Variants in FNDC3B observed in about 807,000 individuals in gnomAD.
FNDC3B encodes the protein fibronectin type III domain containing 3B.
Under a neutral mutation model 151.5 loss-of-function variants are expected in FNDC3B, and 12 were observed. The observed-to-expected ratio is 0.08, with a 90% CI of 0.05 to 0.13. The LOEUF (loss-of-function observed/expected upper bound fraction) is 0.13, where lower values mean the gene tolerates loss of function less well. Ranked by LOEUF, FNDC3B falls within the 10% of genes least tolerant of loss-of-function variation. FNDC3B has a pLI of 1.00. For synonymous variants in FNDC3B, 528 were observed against 549.0 expected (o/e 0.96, Z 0.54); for missense variants, 1,214 against 1,505.3 (o/e 0.81, Z 3.20).
chr3:172,269,792 G>A (rs757687100), intron 6 of FNDC3B, among the ~76,000 whole-genome samples: 4 of 152,088 alleles, frequency 2.6e-5, no homozygotes, highest in Non-Finnish European at 4.4e-5. Context: ...CTACAAGTGC[G>A]TGCCACCATG....
rs942716692 is a variant in FNDC3B at position 172,117,468 on chromosome 3, A to G, written c.111+4878A>G. The stretch of plus-strand genomic sequence containing the variant: ...CAGTTTTGCGCACAAAAGAATAAAC[A>G]TCAGCCCAAATTCTGACTTTTTATT... On this transcript the variant is annotated intron_variant, in intron 2 of 25. Transcript: ENST00000415807. Among the ~76,000 whole-genome samples, 3 of 152,242 alleles carry G rather than the reference A, an allele frequency of 2.0e-5. No individual in the cohort carries two copies. In the South Asian group the frequency reaches 6.2e-4, roughly 31 times the overall value.
At chr3:172,335,197 A>C in intron 15 of FNDC3B, 115 bp downstream of exon 15, 1 of 1,074,136 alleles carries the variant, frequency 9.3e-7, no homozygotes, top group Non-Finnish European at 1.3e-6. Flanking sequence ...GTATTTGCAG[A>C]AGTTTTCTGC....
chr3:172,307,516 G>C lies in FNDC3B; in HGVS notation c.1200+15G>C. 6.2e-7 allele frequency: 1 copy of C among 1,613,860 alleles called. No individual in the cohort carries two copies. Among genetic ancestry groups the C allele is most frequent in the Non-Finnish European group, 8.5e-7 (1 of 1,179,840 alleles). On this transcript the variant is annotated intron_variant, in intron 10 of 25. Coordinates refer to ENST00000415807, the MANE Select transcript of FNDC3B (RefSeq NM_022763.4). ...TGCAGTGGAAGGTGGGTAGCTCAAA[G>C]CATCAAGAATCGTCTCAATTTAAAA...
intron 21 of FNDC3B, among the ~76,000 whole-genome samples, chr3:172,349,835 T>C (rs1293405723): frequency 6.6e-6 from 1 of 152,068 alleles, no homozygotes; most frequent in African/African-American, 2.4e-5. Flanking sequence ...TTTGTATTTT[T>C]AGTAGAGATG....
intron 1 of FNDC3B, among the ~76,000 whole-genome samples, chr3:172,102,429 A>G (rs1004257599): frequency 2.0e-5 from 3 of 152,182 alleles, no homozygotes; most frequent in Middle Eastern, 3.4e-3. Flanking sequence ...GGTGTTATGC[A>G]TGTCTCTTAG....
intron 3 of FNDC3B, among the ~76,000 whole-genome samples, chr3:172,181,594 G>A (rs1723907441): frequency 6.6e-6 from 1 of 151,742 alleles, no homozygotes. Context: ...ACTTTGGGAA[G>A]CCTAGGTGGG....
chr3:172,057,227 G>C (rs1716958161), intron 1 of FNDC3B, among the ~76,000 whole-genome samples: 1 of 152,212 alleles, frequency 6.6e-6, no homozygotes, highest in Admixed American at 6.5e-5. Context: ...GGATGCAGCT[G>C]TTGGGCTCCC....
intron 4 of FNDC3B, among the ~76,000 whole-genome samples, chr3:172,232,552 T>C (rs1726944459): frequency 6.6e-6 from 1 of 152,136 alleles, no homozygotes; most frequent in Non-Finnish European, 1.5e-5. Context: ...TCTGATATAG[T>C]AGGTTGGGGG....
Position 172,149,806 on chromosome 3 carries a change from G to GT in FNDC3B, c.187+16290dup, listed in dbSNP as rs10561622. 1.6e-3 allele frequency among the ~76,000 whole-genome samples: 86 copies of GT among 52,500 alleles called. 16 individuals carry two copies. The highest frequency in any genetic ancestry group is 4.5e-3 in the African/African-American group (58 of 12,768). 34.4% of individuals were successfully genotyped at this position (52,500 alleles called of 152,430 possible). A position where few individuals can be genotyped will look rare whatever the true frequency, so the allele number is the denominator to read the frequency against. ...TGTGTATACCTTTTGTATGTTGGGTGTTTTTTTTTTTTTTTTTTTTTTTTT... is the reference window on the plus strand; with the variant it reads ...TGTGTATACCTTTTGTATGTTGGGTGTTTTTTTTTTTTTTTTTTTTTTTTTT... On this transcript the variant is annotated intron_variant, in intron 3 of 25. Coordinates refer to ENST00000415807, the MANE Select transcript of FNDC3B (RefSeq NM_022763.4).
Position 172,329,009 on chromosome 3 carries a change from T to C in FNDC3B, c.1312T>C (p.Leu438=), listed in dbSNP as rs758179867. ...CTTCGGGAGCCAGAAGCACTGCAAG[T>C]TGACAAAGCTTTGTCCGGCAATGGG... The part of the protein sequence containing the change: ...CFFGSQKHCK[L]TKLCPAMGYT... Residue 438 remains leucine, a synonymous_variant, in exon 12 of 26, where the codon TTG becomes CTG. Coordinates refer to ENST00000415807, the MANE Select transcript of FNDC3B (RefSeq NM_022763.4). 2 of 1,613,980 alleles carry C rather than the reference T, an allele frequency of 1.2e-6. No individual in the cohort carries two copies. Among genetic ancestry groups the C allele is most frequent in the African/African-American group, 1.3e-5 (1 of 75,016 alleles).
chr3:172,050,733 G>GTGTGTGTA (rs397991660), intron 1 of FNDC3B, among the ~76,000 whole-genome samples: 12 of 137,930 alleles, frequency 8.7e-5, no homozygotes, highest in East Asian at 4.3e-4. Flanking sequence ...GTGTGTGTGT[G>GTGTGTGTA]TATAGTGTGT....
Position 172,328,933 on chromosome 3 carries a change from T to C in FNDC3B, c.1255-19T>C. On this transcript the variant is annotated intron_variant, in intron 11 of 25. Coordinates refer to ENST00000415807, the MANE Select transcript of FNDC3B (RefSeq NM_022763.4). Reference sequence around the variant, plus strand: ...TTTTTTTTTTTAAGTATATGCATTGTTTCATTGTTTACTTTTAGGGAAAAA... The same window carrying C: ...TTTTTTTTTTTAAGTATATGCATTGCTTCATTGTTTACTTTTAGGGAAAAA... The C allele has an allele frequency of 6.3e-7, 1 of 1,582,442 alleles. No homozygotes were observed. Among genetic ancestry groups the C allele is most frequent in the Non-Finnish European group, 8.6e-7 (1 of 1,160,228 alleles).
rs200819152 is a variant in FNDC3B, at chr3:172,041,385, T to C, written c.-29+1614T>C. Among the ~76,000 whole-genome samples, 23 of 140,178 alleles carry C rather than the reference T, an allele frequency of 1.6e-4. 1 individual carries two copies. Among genetic ancestry groups the C allele is most frequent in the African/African-American group, 5.6e-4 (22 of 39,458 alleles). The allele number at this position is 140,178 out of a possible 152,430, so 92.0% of individuals were successfully genotyped here. On this transcript the variant is annotated intron_variant, in intron 1 of 25. Transcript: ENST00000415807. The stretch of plus-strand genomic sequence containing the variant: ...TTTCTTTCTTTCTTTCTTTCTTTCT[T>C]TTTCTTTCTTTCTTTCTCCTTCTCT...
chr3:172,340,286 CTTTTTT>C (rs71635723), intron 16 of FNDC3B, among the ~76,000 whole-genome samples: 3 of 125,568 alleles, frequency 2.4e-5, no homozygotes, highest in Non-Finnish European at 5.0e-5. Flanking sequence ...GCATTTTTGT[CTTTTTT>C]TTTTTTTTTT....
intron 1 of FNDC3B, among the ~76,000 whole-genome samples, chr3:172,093,955 A>G (rs1718974502): frequency 6.6e-6 from 1 of 152,228 alleles, no homozygotes; most frequent in South Asian, 2.1e-4. Context: ...TTAAGGTGTA[A>G]AATTTAATAT....
At chr3:172,123,748 G>T (rs1181240691) in intron 2 of FNDC3B, among the ~76,000 whole-genome samples, 1 of 152,064 alleles carries the variant, frequency 6.6e-6, no homozygotes, top group Non-Finnish European at 1.5e-5. Context: ...ATATAGAATG[G>T]CTATTTCTTT....
At chr3:172,120,543 C>T (rs1209056472) in intron 2 of FNDC3B, among the ~76,000 whole-genome samples, 1 of 150,468 alleles carries the variant, frequency 6.6e-6, no homozygotes, top group Non-Finnish European at 1.5e-5. Flanking sequence ...TGAAAAGTAG[C>T]TTATTGCCTT....
chr3:172,097,265 C>A (rs1451769000), intron 1 of FNDC3B, among the ~76,000 whole-genome samples: 8 of 152,144 alleles, frequency 5.3e-5, no homozygotes, highest in Admixed American at 5.2e-4. Context: ...AGTGAGCATG[C>A]CTAATCTAAG....
At chr3:172,316,329 T>C (rs1731787651) in intron 11 of FNDC3B, 1 of 444,700 alleles carries the variant, frequency 2.2e-6, no homozygotes, top group South Asian at 1.6e-5. Flanking sequence ...CATATCACTA[T>C]CTAGCAGAGG....
Sources: allele counts gnomAD v4.1 joint callset (sites outside exome capture counted in the v4.1 genomes callset), GRCh38; gene constraint gnomAD v4.1.1; transcripts MANE v1.5; gene names NCBI Gene and HGNC (gene_info 2026-07-23, HGNC 2026-07-21).